UGT2B4: variants seen among roughly 807,000 people sequenced by gnomAD.
UGT2B4 encodes UDP glucuronosyltransferase family 2 member B4.
UGT2B4 carries 49 observed loss-of-function variants against 49.8 expected under a neutral mutation model. The ratio of observed to expected loss-of-function variants is 0.98; its 90% confidence interval spans 0.78 to 1.25. The LOEUF is 1.25. Among genes scored for constraint, UGT2B4 ranks in the 50% most tolerant of loss-of-function variants. The pLI, the probability that UGT2B4 is intolerant of heterozygous loss-of-function variation, is 0.00. For synonymous variants in UGT2B4, 246 were observed against 217.7 expected, an observed-to-expected ratio of 1.13 and a Z score of -1.14; for missense variants, 729 against 627.7, an observed-to-expected ratio of 1.16 and a Z score of -1.73.
intron 5 of UGT2B4, among the ~76,000 whole-genome samples, chr4:69,484,131 A>G (rs1266737965): frequency 1.3e-5 from 2 of 152,184 alleles, no homozygotes; most frequent in Admixed American, 6.5e-5. Flanking sequence ...CAAGAATGGT[A>G]TAACAAAAAG....
chr4:69,495,277 A>G lies in UGT2B4; in HGVS notation c.585T>C (p.Pro195=), dbSNP rs778592643. 4 of 1,613,412 alleles carry G rather than the reference A, an allele frequency of 2.5e-6. No individual in the cohort carries two copies. In the Admixed American group the frequency reaches 6.7e-5, roughly 27 times the overall value. ...GGLLFPPSYV[P]VVMSELSDQM... is the part of the protein sequence containing the mutation. ...GGTCACTTAGTTCTGACATAACAAC[A>G]GGCACATAGGAAGGAGGGAACAGAA... The change falls in exon 1 of 6, where the codon CCT becomes CCC. Residue 195 remains proline (P), a synonymous_variant. Transcript: ENST00000305107.
chr4:69,502,915 G>T (rs1728378453), intron 1 of UGT2B4, among the ~76,000 whole-genome samples: 1 of 152,114 alleles, frequency 6.6e-6, no homozygotes, highest in South Asian at 2.1e-4. Flanking sequence ...CCCTGGCTTG[G>T]GCCCACAGAA....
intron 2 of UGT2B4, among the ~76,000 whole-genome samples, chr4:69,491,616 A>C (rs1333299762): frequency 6.6e-6 from 1 of 152,152 alleles, no homozygotes; most frequent in East Asian, 1.9e-4. Context: ...ACAACCATTG[A>C]CTTGCATTCA....
chr4:69,486,720 T>G (rs1450211197), intron 3 of UGT2B4, 24 bp from the exon 4 acceptor site: 1 of 1,551,346 alleles, frequency 6.4e-7, no homozygotes, highest in Non-Finnish European at 8.8e-7. Flanking sequence ...GAAAATATCT[T>G]ATTCCATGAG....
intron 2 of UGT2B4, among the ~76,000 whole-genome samples, chr4:69,491,582 A>G (rs1727987102): frequency 1.3e-5 from 2 of 152,166 alleles, no homozygotes; most frequent in South Asian, 4.1e-4. Context: ...ATTTTACATG[A>G]TAAACAATTA....
At chr4:69,484,061 A>T (rs13141359) in intron 5 of UGT2B4, among the ~76,000 whole-genome samples, 3 of 152,162 alleles carry the variant, frequency 2.0e-5, no homozygotes, top group African/African-American at 7.2e-5. Flanking sequence ...GAACATCAAC[A>T]TCTCTGGCCA....
At chr4:69,513,408 ATTTCTGAGTTCTCT>A in intron 1 of UGT2B4, among the ~76,000 whole-genome samples, 1 of 152,054 alleles carries the variant, frequency 6.6e-6, no homozygotes, top group Non-Finnish European at 1.5e-5. Flanking sequence ...GTGCAGTCTT[ATTTCTGAGTTCTCT>A]ATTCTGTTCC....
rs1728132668 is a variant in UGT2B4, at chr4:69,495,571, C to T, written c.291G>A (p.Trp97Ter). Residue 97 changes from tryptophan to a stop codon, truncating the protein, a stop_gained, in exon 1 of 6, where the codon TGG becomes TGA. Transcript: ENST00000305107. LOFTEE classifies it high-confidence loss of function. ...EDIIKQLVKRWAELPKDTFWS... is the reference protein window; with the variant it reads ...EDIIKQLVKR Reference sequence around the variant, plus strand: ...AAAATGTGTCTTTTGGAAGTTCTGCCCATCTCTTAACCAGCTGCTTGATAA... The same window carrying T: ...AAAATGTGTCTTTTGGAAGTTCTGCTCATCTCTTAACCAGCTGCTTGATAA... 6.2e-7 allele frequency: 1 copy of T among 1,613,856 alleles called. No individual in the cohort carries two copies. The highest frequency in any genetic ancestry group is 1.1e-5 in the South Asian group (1 of 91,080).
chr4:69,497,425 A>T (rs1197171809), upstream of UGT2B4, among the ~76,000 whole-genome samples: 1 of 152,190 alleles, frequency 6.6e-6, no homozygotes, highest in African/African-American at 2.4e-5. Flanking sequence ...AGTGCCCTCC[A>T]ATTATTATAC....
upstream of UGT2B4, chr4:69,496,009 TGACAAAGA>T: frequency 7.7e-7 from 1 of 1,304,430 alleles, no homozygotes. Context: ...AGCATGTGGA[TGACAAAGA>T]GACAAATAAA....
In UGT2B4 at chr4:69,485,120, C is replaced by T. The variant is rs375905895; in HGVS notation, c.1310+88G>A. 2.6e-5 allele frequency: 37 copies of T among 1,444,798 alleles called. No individual in the cohort carries two copies. In the East Asian group the frequency reaches 3.7e-4, roughly 14 times the overall value. The allele number at this position is 1,444,798 out of a possible 1,614,324, so 89.5% of individuals were successfully genotyped here. On this transcript the variant is annotated intron_variant, in intron 5 of 5. Coordinates refer to ENST00000305107, the MANE Select transcript of UGT2B4 (RefSeq NM_021139.3). ...TCACTTAAATTCTTTCGAAATCAGT[C>T]GCTTATAAAAAGGATAAAAGTCATA...
upstream of UGT2B4, chr4:69,496,030 G>T (rs577437940): frequency 4.8e-5 from 55 of 1,151,688 alleles, no homozygotes; most frequent in Non-Finnish European, 6.1e-5. Context: ...CAAATAAAAG[G>T]TAGATGACCT....
chr4:69,485,573 T>A, intron 4 of UGT2B4, 146 bp from the exon 5 acceptor site: 1 of 1,107,476 alleles, frequency 9.0e-7, no homozygotes, highest in Non-Finnish European at 1.3e-6. Flanking sequence ...AAGGAACGCC[T>A]ACTTCTGCTG....
chr4:69,488,421 G>A (rs897278365), intron 3 of UGT2B4, among the ~76,000 whole-genome samples: 5 of 151,874 alleles, frequency 3.3e-5, no homozygotes, highest in African/African-American at 7.3e-5. Flanking sequence ...AATAATTTAC[G>A]GTGTTTAAGT....
chr4:69,516,255 C>G (rs1728730659), intron 1 of UGT2B4, among the ~76,000 whole-genome samples: 1 of 152,230 alleles, frequency 6.6e-6, no homozygotes, highest in South Asian at 2.1e-4. Context: ...TGATGAACAT[C>G]CATGTTTTGC....
At chr4:69,509,871 C>T (rs1728564019) in intron 1 of UGT2B4, among the ~76,000 whole-genome samples, 1 of 151,844 alleles carries the variant, frequency 6.6e-6, no homozygotes, top group African/African-American at 2.4e-5. Flanking sequence ...CACAATTCCA[C>T]CTGTTTGTAT....
intron 1 of UGT2B4, among the ~76,000 whole-genome samples, chr4:69,507,432 A>C (rs1728503011): frequency 6.6e-6 from 1 of 152,194 alleles, no homozygotes; most frequent in Non-Finnish European, 1.5e-5. Flanking sequence ...GCAAGAGCCA[A>C]GCCAAGATCC....
chr4:69,492,392 T>A (rs952227298), intron 2 of UGT2B4, among the ~76,000 whole-genome samples: 6 of 152,112 alleles, frequency 3.9e-5, no homozygotes, highest in African/African-American at 1.4e-4. Flanking sequence ...CACACATTTA[T>A]ATCGGTAAGG....
intron 5 of UGT2B4, among the ~76,000 whole-genome samples, chr4:69,481,601 T>C (rs1463620974): frequency 6.6e-6 from 1 of 152,194 alleles, no homozygotes; most frequent in Non-Finnish European, 1.5e-5. Context: ...GGCTGCAGTG[T>C]GAAATAATCA....
Sources: gnomAD v4.1 joint callset for allele counts (sites outside exome capture counted in the v4.1 genomes callset) on GRCh38, gnomAD v4.1.1 for gene constraint, MANE v1.5 for transcripts, NCBI Gene and HGNC (gene_info 2026-07-23, HGNC 2026-07-21) for gene names.